CRISPLD2: variants seen among roughly 807,000 people sequenced by gnomAD.
The protein encoded by CRISPLD2 is cysteine rich secretory protein LCCL domain containing 2.
Under a neutral mutation model 71.1 loss-of-function variants are expected in CRISPLD2, and 47 were observed. The observed-to-expected ratio is 0.66, with a 90% CI of 0.52 to 0.84. CRISPLD2 has a LOEUF of 0.84. Among genes scored for constraint, CRISPLD2 ranks in the 40% least tolerant of loss-of-function variants. The pLI is 0.00. For synonymous variants in CRISPLD2, 317 were observed against 250.1 expected (o/e 1.27, Z -2.52); for missense variants, 830 against 651.1 (o/e 1.27, Z -2.99).
At chr16:84,873,503 C>CAAAAAAAAAAAAAAAAAAAAAAAAAAAAA (rs1333411767) in intron 10 of CRISPLD2, 3 of 88,668 alleles carry the variant, frequency 3.4e-5, no homozygotes, top group East Asian at 4.4e-4. Context: ...AAAACAACAA[C>CAAAAAAAAAAAAAAAAAAAAAAAAAAAAA]AACAAAAAAA....
At chr16:84,871,922 C>A (rs1166336178) in intron 8 of CRISPLD2, among the ~76,000 whole-genome samples, 2 of 140,970 alleles carry the variant, frequency 1.4e-5, no homozygotes, top group Non-Finnish European at 3.1e-5. Flanking sequence ...CCTTCTATTT[C>A]TGTGGATTCA....
intron 6 of CRISPLD2, among the ~76,000 whole-genome samples, chr16:84,855,065 G>A (rs745910928): frequency 8.5e-5 from 13 of 152,074 alleles, no homozygotes; most frequent in African/African-American, 1.2e-4. Flanking sequence ...CTTCCCATGG[G>A]CATCTCCTGT....
intron 1 of CRISPLD2, among the ~76,000 whole-genome samples, chr16:84,830,389 C>T (rs531804550): frequency 4.6e-5 from 7 of 152,138 alleles, no homozygotes; most frequent in South Asian, 2.1e-4. Context: ...CAGCATTAAA[C>T]GTTAGATTAT....
At chr16:84,825,751 T>A (rs1262173393) in intron 1 of CRISPLD2, among the ~76,000 whole-genome samples, 1 of 151,150 alleles carries the variant, frequency 6.6e-6, no homozygotes, top group East Asian at 1.9e-4. Flanking sequence ...CGAGACTCCA[T>A]CTCAAATAAA....
intron 14 of CRISPLD2, 101 bp downstream of exon 14, chr16:84,889,464 A>G: frequency 8.0e-7 from 1 of 1,245,058 alleles, no homozygotes; most frequent in Non-Finnish European, 1.1e-6. Context: ...TTAAAATAAA[A>G]CTCGGGTAGA....
chr16:84,878,422 A>G (rs145631013), intron 12 of CRISPLD2, among the ~76,000 whole-genome samples: 15 of 140,416 alleles, frequency 1.1e-4, no homozygotes, highest in Admixed American at 5.4e-4. Context: ...CAGCAAAATT[A>G]TGGCGCCGTG....
At chr16:84,903,759 T>C (rs2071776501) in intron 14 of CRISPLD2, among the ~76,000 whole-genome samples, 1 of 152,184 alleles carries the variant, frequency 6.6e-6, no homozygotes, top group Admixed American at 6.5e-5. Flanking sequence ...CCAAAAGCAG[T>C]GTTCAAAAAC....
intron 2 of CRISPLD2, among the ~76,000 whole-genome samples, chr16:84,843,238 G>A (rs931434532): frequency 7.2e-5 from 11 of 152,166 alleles, no homozygotes; most frequent in Admixed American, 6.6e-4. Context: ...GGGTGGCAGG[G>A]GCCCTGCCAC....
At chr16:84,899,796 T>G (rs2143381310) in intron 14 of CRISPLD2, among the ~76,000 whole-genome samples, 1 of 152,244 alleles carries the variant, frequency 6.6e-6, no homozygotes, top group Non-Finnish European at 1.5e-5. Context: ...CCTTGTCCCT[T>G]GGTTGTTTGG....
At chr16:84,846,000 AGAGT>A in intron 3 of CRISPLD2, 96 bp downstream of exon 3, 1 of 717,316 alleles carries the variant, frequency 1.4e-6, no homozygotes, top group East Asian at 2.7e-5. Context: ...GCCTGCAAAG[AGAGT>A]GAGAGAGACC....
intron 13 of CRISPLD2, among the ~76,000 whole-genome samples, chr16:84,881,983 T>C (rs545981746): frequency 1.3e-5 from 2 of 152,194 alleles, no homozygotes; most frequent in Admixed American, 6.5e-5. Flanking sequence ...AAATGGGTCT[T>C]TTTTTCTTCT....
At chr16:84,853,085 T>A (rs1917133835) in intron 5 of CRISPLD2, among the ~76,000 whole-genome samples, 1 of 152,094 alleles carries the variant, frequency 6.6e-6, no homozygotes, top group East Asian at 1.9e-4. Flanking sequence ...AGGAGATTAT[T>A]TGTCTGCAGG....
rs1220619936 is a variant in CRISPLD2, at chr16:84,903,598, T to A, written c.1440-2990T>A. 1.1e-3 allele frequency among the ~76,000 whole-genome samples: 144 copies of A among 136,164 alleles called. 3 individuals are homozygous for A. Among genetic ancestry groups the A allele is most frequent in the Middle Eastern group, 3.7e-3 (1 of 272 alleles). 89.3% of individuals were successfully genotyped at this position (136,164 alleles called of 152,430 possible). A position where few individuals can be genotyped will look rare whatever the true frequency, so the allele number is the denominator to read the frequency against. Reference sequence around the variant, plus strand: ...CAGGGCGAGACTCTGTCTTAAAATTTAAAAAAAAAAAAAAAAGCCCAAAGA... The same window carrying A: ...CAGGGCGAGACTCTGTCTTAAAATTAAAAAAAAAAAAAAAAAGCCCAAAGA... On this transcript the variant is annotated intron_variant, in intron 14 of 14. Coordinates refer to ENST00000262424, the MANE Select transcript of CRISPLD2 (RefSeq NM_031476.4).
intron 1 of CRISPLD2, among the ~76,000 whole-genome samples, chr16:84,829,515 A>G (rs1916435097): frequency 6.6e-6 from 1 of 152,010 alleles, no homozygotes; most frequent in South Asian, 2.1e-4. Flanking sequence ...CTCAGATCTG[A>G]GTTCTCCTTT....
intron 4 of CRISPLD2, among the ~76,000 whole-genome samples, 188 bp from the exon 5 acceptor site, chr16:84,850,380 C>T (rs1325583257): frequency 1.3e-5 from 2 of 152,166 alleles, no homozygotes; most frequent in African/African-American, 4.8e-5. Flanking sequence ...TGAGCCACCG[C>T]ACCGGCCCAC....
intron 6 of CRISPLD2, among the ~76,000 whole-genome samples, chr16:84,866,303 G>A (rs1432951774): frequency 1.3e-5 from 2 of 150,346 alleles, no homozygotes; most frequent in East Asian, 2.0e-4. Flanking sequence ...GCACAATCTC[G>A]GCTCACTGCA....
At chr16:84,853,144 G>A (rs1471113646) in intron 5 of CRISPLD2, among the ~76,000 whole-genome samples, 2 of 152,178 alleles carry the variant, frequency 1.3e-5, no homozygotes, top group African/African-American at 4.8e-5. Flanking sequence ...GAGTGTTAGG[G>A]TTGAGCTGGG....
At chr16:84,866,239 G>GTTTTTT (rs11409128) in intron 6 of CRISPLD2, among the ~76,000 whole-genome samples, 13 of 148,344 alleles carry the variant, frequency 8.8e-5, no homozygotes, top group Admixed American at 2.0e-4. Flanking sequence ...TTGTTTTTTG[G>GTTTTTT]TTTTTTTTTT....
At chr16:84,881,394 C>T (rs956157796) in intron 13 of CRISPLD2, among the ~76,000 whole-genome samples, 9 of 152,146 alleles carry the variant, frequency 5.9e-5, no homozygotes, top group African/African-American at 1.7e-4. Context: ...AGCTTTAGCC[C>T]GGTTTTTCTT....
Sources: gnomAD v4.1 joint callset for allele counts (sites outside exome capture counted in the v4.1 genomes callset) on GRCh38, gnomAD v4.1.1 for gene constraint, MANE v1.5 for transcripts, NCBI Gene and HGNC (gene_info 2026-07-23, HGNC 2026-07-21) for gene names.